Variants in FOXP1 observed in about 807,000 individuals in gnomAD.
FOXP1 encodes forkhead box P1.
FOXP1 carries 15 observed loss-of-function variants against 98.2 expected under a neutral mutation model. The ratio of observed to expected loss-of-function variants is 0.15; its 90% confidence interval spans 0.10 to 0.24. The LOEUF (loss-of-function observed/expected upper bound fraction) is 0.24, where lower values mean the gene tolerates loss of function less well. FOXP1 is among the 10% of genes least tolerant of loss of function. The pLI, the probability that FOXP1 is intolerant of heterozygous loss-of-function variation, is 1.00. For missense variants in FOXP1, 633 were observed against 848.5 expected (o/e 0.75, Z 3.15); for synonymous variants, 371 against 314.5 (o/e 1.18, Z -1.90).
intron 3 of FOXP1, among the ~76,000 whole-genome samples, chr3:71,486,404 C>T (rs1264482497): frequency 1.3e-5 from 2 of 152,142 alleles, no homozygotes; most frequent in Non-Finnish European, 2.9e-5. Context: ...TTGGATGGTG[C>T]TACATAGAAT....
intron 6 of FOXP1, among the ~76,000 whole-genome samples, chr3:71,152,798 G>C (rs2060635098): frequency 6.6e-6 from 1 of 152,214 alleles, no homozygotes; most frequent in Non-Finnish European, 1.5e-5. Flanking sequence ...CACAGTGATA[G>C]AAGTTAGCTT....
At position 71,077,856 on chromosome 3, in the gene FOXP1, G is replaced by T. The variant is rs1484412079; in HGVS notation, c.283-24083C>A. The stretch of plus-strand genomic sequence containing the variant: ...CATATATTTTTTTTTTTTTGAGATG[G>T]AGTTTCACTCTTGTTGCCCAGGCTG... On this transcript the variant is annotated intron_variant, in intron 7 of 20. Transcript: ENST00000649528. 2.0e-5 allele frequency among the ~76,000 whole-genome samples: 3 copies of T among 150,088 alleles called. No homozygotes were observed. The East Asian group carries it at 5.8e-4, about 29-fold the overall frequency.
At chr3:71,408,706 T>C (rs1356546952) in intron 3 of FOXP1, among the ~76,000 whole-genome samples, 1 of 152,198 alleles carries the variant, frequency 6.6e-6, no homozygotes, top group Non-Finnish European at 1.5e-5. Context: ...ATAAAGGCAA[T>C]CCTTTTCATT....
At chr3:71,085,643 G>A (rs185395048) in intron 7 of FOXP1, among the ~76,000 whole-genome samples, 6 of 150,744 alleles carry the variant, frequency 4.0e-5, no homozygotes, top group Admixed American at 1.3e-4. Flanking sequence ...AGCACCTTTC[G>A]TTAAGCGTAT....
chr3:71,384,084 T>TG (rs2080385073), intron 3 of FOXP1, among the ~76,000 whole-genome samples: 1 of 152,000 alleles, frequency 6.6e-6, no homozygotes. Context: ...CCAGGCATGG[T>TG]GGTGTAAGCC....
At chr3:71,427,047 C>T (rs1243600714) in intron 3 of FOXP1, among the ~76,000 whole-genome samples, 1 of 144,078 alleles carries the variant, frequency 6.9e-6, no homozygotes, top group African/African-American at 2.6e-5. Context: ...GGTGACAGAG[C>T]GAGACTCCAT....
At chr3:71,321,975 T>C (rs1576962691) in intron 4 of FOXP1, among the ~76,000 whole-genome samples, 1 of 152,232 alleles carries the variant, frequency 6.6e-6, no homozygotes, top group East Asian at 1.9e-4. Context: ...TTTGCTGATC[T>C]TCACTTTCTT....
chr3:71,199,194 T>C (rs1010023346), intron 5 of FOXP1, among the ~76,000 whole-genome samples: 1 of 149,060 alleles, frequency 6.7e-6, no homozygotes, highest in Non-Finnish European at 1.5e-5. Context: ...TGCCTCCGCC[T>C]CCCGGGCTCA....
At chr3:71,347,886 CA>C (rs11286158) in intron 4 of FOXP1, among the ~76,000 whole-genome samples, 93,587 of 144,566 alleles carry the variant, frequency 0.65, 30,716 homozygotes, top group East Asian at 0.79. Flanking sequence ...CTCTGTCTCA[CA>C]AAAAAAAAAA....
chr3:70,973,842 C>A (rs1203570739), intron 17 of FOXP1, among the ~76,000 whole-genome samples: 22 of 103,856 alleles, frequency 2.1e-4, no homozygotes, highest in African/African-American at 7.0e-4. Flanking sequence ...ACCGCCCCCC[C>A]CCCCCCACCC....
intron 2 of FOXP1, among the ~76,000 whole-genome samples, chr3:71,537,319 C>T (rs1016911889): frequency 2.4e-4 from 36 of 152,060 alleles, no homozygotes; most frequent in African/African-American, 8.5e-4. Flanking sequence ...GAGTGAGTCA[C>T]GAGGAAAGAC....
intron 7 of FOXP1, among the ~76,000 whole-genome samples, chr3:71,082,596 C>A (rs2054566326): frequency 6.9e-6 from 1 of 145,560 alleles, no homozygotes; most frequent in Non-Finnish European, 1.5e-5. Flanking sequence ...GCACGTTCTG[C>A]ACATGTAACC....
intron 3 of FOXP1, among the ~76,000 whole-genome samples, chr3:71,402,259 A>G (rs1393918819): frequency 1.3e-5 from 2 of 152,188 alleles, no homozygotes; most frequent in Non-Finnish European, 1.5e-5. Context: ...GTTTGAGACC[A>G]GCCTGGGCAA....
chr3:71,530,265 G>A (rs937689917), intron 2 of FOXP1, among the ~76,000 whole-genome samples: 1 of 152,138 alleles, frequency 6.6e-6, no homozygotes, highest in Non-Finnish European at 1.5e-5. Flanking sequence ...CACCTCGGGA[G>A]TGGGTTCATT....
At chr3:71,222,361 G>A (rs747508105) in intron 5 of FOXP1, among the ~76,000 whole-genome samples, 10 of 152,076 alleles carry the variant, frequency 6.6e-5, no homozygotes, top group Non-Finnish European at 1.5e-4. Context: ...TTCCCTGATA[G>A]CACATCCTCT....
chr3:71,372,663 G>T (rs13065253), intron 3 of FOXP1, among the ~76,000 whole-genome samples: 43,650 of 152,102 alleles, frequency 0.29, 6,710 homozygotes, highest in Middle Eastern at 0.37. Context: ...GCAGATATGC[G>T]TTGAATGGAT....
chr3:71,334,264 CAG>C (rs2076534222), intron 4 of FOXP1: 1 of 152,058 alleles, frequency 6.6e-6, no homozygotes, highest in African/African-American at 2.4e-5. Flanking sequence ...AAAAATTAGC[CAG>C]GCGTGGTGGC....
chr3:71,168,104 C>A (rs1052171758), intron 6 of FOXP1, among the ~76,000 whole-genome samples: 35 of 152,066 alleles, frequency 2.3e-4, no homozygotes, highest in African/African-American at 7.7e-4. Context: ...GCAAGAGTAC[C>A]CCAGGCTAAT....
chr3:71,204,370 T>C (rs2063874761), intron 5 of FOXP1, among the ~76,000 whole-genome samples: 1 of 152,208 alleles, frequency 6.6e-6, no homozygotes, highest in Non-Finnish European at 1.5e-5. Flanking sequence ...CTCCACAGAC[T>C]TTTTTCCCCT....
Sources: allele counts gnomAD v4.1 joint callset (sites outside exome capture counted in the v4.1 genomes callset), GRCh38; gene constraint gnomAD v4.1.1; transcripts MANE v1.5; gene names NCBI Gene and HGNC (gene_info 2026-07-23, HGNC 2026-07-21).